Variants in CSMD1 observed in about 807,000 individuals in gnomAD.
CSMD1 encodes CUB and sushi domain-containing protein 1.
In CSMD1, 213 loss-of-function variants were observed where a neutral mutation model predicts 417.5. The observed-to-expected ratio is 0.51, with a 90% CI of 0.46 to 0.57. The LOEUF (loss-of-function observed/expected upper bound fraction) is 0.57, where lower values mean the gene tolerates loss of function less well. CSMD1 is among the 20% of genes least tolerant of loss of function. The pLI is 0.00. For synonymous variants in CSMD1, 2,862 were observed against 1,736.8 expected (o/e 1.65, Z -16.11); for missense variants, 6,923 against 4,529.7 (o/e 1.53, Z -15.17).
chr8:4,530,900 G>C (rs146575025), intron 2 of CSMD1, among the ~76,000 whole-genome samples: 1 of 151,834 alleles, frequency 6.6e-6, no homozygotes, highest in African/African-American at 2.4e-5. Context: ...CATTATACCG[G>C]AACTACAGCT....
chr8:3,106,186 G>C (rs1045265672), intron 46 of CSMD1, among the ~76,000 whole-genome samples: 3 of 141,662 alleles, frequency 2.1e-5, no homozygotes, highest in Non-Finnish European at 1.5e-5. Context: ...AGAAGTTCAA[G>C]ACCAGCCTGG....
At chr8:4,959,744 C>G (rs1809355155) in intron 1 of CSMD1, among the ~76,000 whole-genome samples, 1 of 152,158 alleles carries the variant, frequency 6.6e-6, no homozygotes, top group Non-Finnish European at 1.5e-5. Flanking sequence ...CCAACTTACA[C>G]CAGAAGTCTT....
chr8:3,799,075 A>G (rs1800318566), intron 5 of CSMD1, among the ~76,000 whole-genome samples: 1 of 152,080 alleles, frequency 6.6e-6, no homozygotes, highest in Non-Finnish European at 1.5e-5. Context: ...TAGAACATGA[A>G]AAACTTCCAA....
chr8:3,204,243 T>C (rs964097468), intron 31 of CSMD1, among the ~76,000 whole-genome samples: 1 of 152,118 alleles, frequency 6.6e-6, no homozygotes, highest in African/African-American at 2.4e-5. Context: ...TAGCTGAAAA[T>C]TTTTAATTGT....
intron 3 of CSMD1, among the ~76,000 whole-genome samples, chr8:4,275,579 T>C (rs1413883811): frequency 2.0e-5 from 3 of 152,152 alleles, no homozygotes; most frequent in Non-Finnish European, 4.4e-5. Context: ...AAAATTGGCA[T>C]AGATAAAAGG....
At chr8:4,917,065 T>G in intron 1 of CSMD1, among the ~76,000 whole-genome samples, 1 of 152,160 alleles carries the variant, frequency 6.6e-6, no homozygotes, top group South Asian at 2.1e-4. Flanking sequence ...TGGCTCAGGT[T>G]CGGTAGACTA....
At chr8:3,854,639 A>T (rs1038188045) in intron 5 of CSMD1, among the ~76,000 whole-genome samples, 1 of 151,978 alleles carries the variant, frequency 6.6e-6, no homozygotes, top group African/African-American at 2.4e-5. Flanking sequence ...AGGCCTTATG[A>T]TATAGAATCT....
At chr8:4,332,371 T>C (rs1288025371) in intron 3 of CSMD1, among the ~76,000 whole-genome samples, 1 of 152,098 alleles carries the variant, frequency 6.6e-6, no homozygotes, top group Non-Finnish European at 1.5e-5. Context: ...TGCACTCAAA[T>C]TAACGATTCC....
At chr8:4,922,533 C>G (rs550552213) in intron 1 of CSMD1, among the ~76,000 whole-genome samples, 1 of 152,290 alleles carries the variant, frequency 6.6e-6, no homozygotes, top group African/African-American at 2.4e-5. Context: ...GCAAACCATT[C>G]ACACCCTTTC....
intron 1 of CSMD1, among the ~76,000 whole-genome samples, chr8:4,888,973 C>T (rs1037155015): frequency 2.0e-5 from 3 of 152,024 alleles, no homozygotes; most frequent in Admixed American, 6.6e-5. Context: ...ATTCCAATTT[C>T]CAAGCATCAA....
intron 3 of CSMD1, among the ~76,000 whole-genome samples, chr8:4,257,412 G>A (rs989087837): frequency 6.7e-6 from 1 of 149,242 alleles, no homozygotes; most frequent in African/African-American, 2.6e-5. Context: ...GTATAATCAT[G>A]GATTTGCACT....
intron 3 of CSMD1, among the ~76,000 whole-genome samples, chr8:4,374,097 G>A (rs562743777): frequency 2.5e-4 from 38 of 152,166 alleles, no homozygotes; most frequent in African/African-American, 8.0e-4. Context: ...TGTGACCGAA[G>A]CATGGTTTTC....
intron 3 of CSMD1, among the ~76,000 whole-genome samples, chr8:4,186,442 G>C (rs755244203): frequency 1.3e-5 from 2 of 151,980 alleles, no homozygotes; most frequent in South Asian, 2.1e-4. Context: ...CAGAGCCCAG[G>C]TTTCCACCTT....
intron 5 of CSMD1, among the ~76,000 whole-genome samples, chr8:3,918,946 G>T (rs1389106229): frequency 6.6e-6 from 1 of 151,930 alleles, no homozygotes; most frequent in African/African-American, 2.4e-5. Context: ...CTCGGGTGAT[G>T]GGTACATCAA....
At chr8:3,278,550 T>C (rs1053499139) in intron 26 of CSMD1, 13 of 152,256 alleles carry the variant, frequency 8.5e-5, no homozygotes, top group Admixed American at 5.2e-4. Flanking sequence ...TTTTGAGTTC[T>C]ATTTAAAAAT....
chr8:3,249,415 C>T (rs890940053), intron 26 of CSMD1, among the ~76,000 whole-genome samples: 5 of 151,988 alleles, frequency 3.3e-5, no homozygotes, highest in African/African-American at 4.8e-5. Flanking sequence ...GTAGTGATGG[C>T]GTTTCACCAT....
At position 3,106,591 on chromosome 8, in the gene CSMD1, C is replaced by A. The variant is rs113542057; in HGVS notation, c.6886G>T (p.Asp2296Tyr). 1.2e-6 allele frequency: 2 copies of A among 1,613,752 alleles called. No homozygotes were observed. The highest frequency in any genetic ancestry group is 8.5e-7 in the Non-Finnish European group (1 of 1,179,776). ...CHPGYTLVGT[D>Y]ILTCKLSSQL... The stretch of plus-strand genomic sequence containing the variant: ...GAACTGAGCTTGCAAGTCAGAATGT[C>A]GGTCCCCACCAAGGTGTACCCGGGG... The change falls in exon 46 of 70, where the codon GAC becomes TAC. Residue 2296 changes from aspartate to tyrosine, a missense_variant. Asp to Tyr is a radical substitution (Grantham distance 160). Transcript: ENST00000635120.
Position 3,017,806 on chromosome 8 carries a change from T to TAAAA in CSMD1, c.8029+667_8029+670dup, listed in dbSNP as rs777717027. Among the ~76,000 whole-genome samples the TAAAA allele has an allele frequency of 8.5e-4, 65 of 76,468 alleles. 1 individual carries two copies. Among genetic ancestry groups the TAAAA allele is most frequent in the Non-Finnish European group, 1.4e-3 (56 of 40,534 alleles). The allele number at this position is 76,468 out of a possible 152,430, so 50.2% of individuals were successfully genotyped here. On this transcript the variant is annotated intron_variant, in intron 52 of 69. Transcript: ENST00000635120. ...CCAGTTTCTATGGCTTTGAGTGATT[T>TAAAA]AAAAAAAAAAAAAAAAAAAAAAAAA...
intron 2 of CSMD1, among the ~76,000 whole-genome samples, chr8:4,563,292 T>C (rs1400227008): frequency 6.6e-6 from 1 of 152,074 alleles, no homozygotes; most frequent in African/African-American, 2.4e-5. Flanking sequence ...TCCCAGCTAC[T>C]TGGGAGGCTG....
Sources: allele counts gnomAD v4.1 joint callset (sites outside exome capture counted in the v4.1 genomes callset), GRCh38; gene constraint gnomAD v4.1.1; transcripts MANE v1.5; gene names NCBI Gene and HGNC (gene_info 2026-07-23, HGNC 2026-07-21).